PHF3: variants seen among roughly 807,000 people sequenced by gnomAD.
The protein encoded by PHF3 is PHD finger protein 3.
In PHF3, 41 loss-of-function variants were observed where a neutral mutation model predicts 178.4. The observed-to-expected ratio is 0.23, with a 90% CI of 0.18 to 0.30. PHF3 has a LOEUF of 0.30. Ranked by LOEUF, PHF3 falls within the 10% of genes least tolerant of loss-of-function variation. PHF3 has a pLI of 1.00. For missense variants in PHF3, 2,346 were observed against 2,398.1 expected (o/e 0.98, Z 0.45); for synonymous variants, 842 against 800.5 (o/e 1.05, Z -0.88).
Position 63,684,851 on chromosome 6 carries a change from T to C in PHF3, c.1129T>C (p.Leu377=). 1 of 1,613,328 alleles carries C rather than the reference T, an allele frequency of 6.2e-7. No homozygotes were observed. Among genetic ancestry groups the C allele is most frequent in the Non-Finnish European group, 8.5e-7 (1 of 1,179,662 alleles). ...TGAAGTGACTGAATGTAATTTGGAA[T>C]TGAAGGATACCATGGGTATTGCTGA... ...VDEVTECNLE[L]KDTMGIADKT... is the part of the protein sequence containing the mutation. The change falls in exon 4 of 16, where the codon TTG becomes CTG. Residue 377 remains leucine, a synonymous_variant. Coordinates refer to ENST00000262043, the MANE Select transcript of PHF3 (RefSeq NM_001370348.2).
chr6:63,645,426 T>G (rs1764743709), intron 1 of PHF3, among the ~76,000 whole-genome samples: 1 of 152,160 alleles, frequency 6.6e-6, no homozygotes, highest in South Asian at 2.1e-4. Flanking sequence ...GTTAAATGTT[T>G]TGTACAGTAT....
In PHF3 at chr6:63,713,198, T is replaced by G; in HGVS notation, c.5610T>G (p.Gly1870=). The G allele has an allele frequency of 6.2e-7, 1 of 1,614,026 alleles. No homozygotes were observed. ...CAGGTCAGCCACAGCGTATGATGGGTCCTCTCTCACAAGCATCAAGGTATA... is the reference window on the plus strand; with the variant it reads ...CAGGTCAGCCACAGCGTATGATGGGGCCTCTCTCACAAGCATCAAGGTATA... ...HLPGQPQRMM[G]PLSQASRYIG... is the part of the protein sequence containing the mutation. The change falls in exon 16 of 16, where the codon GGT becomes GGG. Residue 1870 remains glycine (G), a synonymous_variant. Transcript: ENST00000262043.
intron 2 of PHF3, among the ~76,000 whole-genome samples, chr6:63,650,525 AT>A (rs758069952): frequency 1.9e-4 from 29 of 152,178 alleles, no homozygotes; most frequent in Admixed American, 5.2e-4. Flanking sequence ...GTTCGATAGA[AT>A]TTTTACTTGC....
intron 2 of PHF3, among the ~76,000 whole-genome samples, chr6:63,648,783 T>C (rs1421342162): frequency 1.3e-5 from 2 of 152,182 alleles, no homozygotes; most frequent in Admixed American, 1.3e-4. Flanking sequence ...ACTAGAATTA[T>C]TTATCTTTGA....
intron 13 of PHF3, 75 bp downstream of exon 13, chr6:63,706,951 A>G (rs903550946): frequency 1.5e-5 from 19 of 1,239,864 alleles, no homozygotes; most frequent in Non-Finnish European, 2.0e-5. Flanking sequence ...CAGGGAAATA[A>G]GACAGAGTTA....
At position 63,720,283 on chromosome 6, in the gene PHF3, G is replaced by A. The variant is rs1325809168; in HGVS notation, c.*6575G>A. 8.3e-6 allele frequency: 3 copies of A among 361,152 alleles called. No individual in the cohort carries two copies. The East Asian group carries it at 1.2e-4, about 14-fold the overall frequency. The allele number at this position is 361,152 out of a possible 1,614,324, so 22.4% of individuals were successfully genotyped here. A position where few individuals can be genotyped will look rare whatever the true frequency, so the allele number is the denominator to read the frequency against. On this transcript the variant is annotated 3_prime_UTR_variant, in exon 16 of 16. Coordinates refer to ENST00000262043, the MANE Select transcript of PHF3 (RefSeq NM_001370348.2). Reference sequence around the variant, plus strand: ...TTGATTTTTAAAATTGTGTTTACACGTTGATTTTAAAATGTAAGCATTAGG... The same window carrying A: ...TTGATTTTTAAAATTGTGTTTACACATTGATTTTAAAATGTAAGCATTAGG...
chr6:63,668,969 T>A (rs1472926273), intron 2 of PHF3, among the ~76,000 whole-genome samples: 1 of 152,208 alleles, frequency 6.6e-6, no homozygotes, highest in African/African-American at 2.4e-5. Context: ...ATGTGAAATA[T>A]GTAAAAGGAG....
intron 2 of PHF3, among the ~76,000 whole-genome samples, chr6:63,665,414 T>C (rs1206340216): frequency 1.2e-4 from 18 of 151,984 alleles, no homozygotes; most frequent in Admixed American, 1.2e-3. Context: ...GATAATTTTT[T>C]TGTGGCATAA....
At chr6:63,697,748 G>A (rs1008430234) in intron 6 of PHF3, among the ~76,000 whole-genome samples, 11 of 152,250 alleles carry the variant, frequency 7.2e-5, no homozygotes, top group Admixed American at 7.2e-4. Flanking sequence ...GGCATGAGGA[G>A]ATTCTAGAAT....
intron 4 of PHF3, among the ~76,000 whole-genome samples, chr6:63,690,743 G>C (rs966660227): frequency 1.3e-5 from 2 of 152,154 alleles, no homozygotes; most frequent in Non-Finnish European, 2.9e-5. Context: ...GTTAAGGATG[G>C]TTGTCTGAAA....
intron 3 of PHF3, among the ~76,000 whole-genome samples, chr6:63,683,880 G>A (rs1459766766): frequency 6.6e-6 from 1 of 152,002 alleles, no homozygotes. Flanking sequence ...TATAATATTA[G>A]TCTGAATTTT....
intron 2 of PHF3, among the ~76,000 whole-genome samples, chr6:63,678,045 A>G (rs1000644711): frequency 6.6e-6 from 1 of 152,030 alleles, no homozygotes; most frequent in South Asian, 2.1e-4. Context: ...CAACATGGCT[A>G]AACCCCGTCT....
chr6:63,712,446 G>A lies in PHF3; in HGVS notation c.4858G>A (p.Val1620Ile), dbSNP rs763405406. Residue 1620 changes from valine to isoleucine, a missense_variant, in exon 16 of 16, where the codon GTA (valine) becomes ATA (isoleucine). Transcript: ENST00000262043. ...TSNSSPCRSN[V>I]GKGNIDGNVS... Reference sequence around the variant, plus strand: ...AAATAGTTCTCCATGCAGATCTAATGTAGGAAAAGGAAACATAGATGGTAA... The same window carrying A: ...AAATAGTTCTCCATGCAGATCTAATATAGGAAAAGGAAACATAGATGGTAA... 1 of 1,614,004 alleles carries A rather than the reference G, an allele frequency of 6.2e-7. No homozygotes were observed.
chr6:63,640,364 G>T (rs767474306), intron 1 of PHF3, among the ~76,000 whole-genome samples: 8 of 152,156 alleles, frequency 5.3e-5, no homozygotes, highest in Non-Finnish European at 1.2e-4. Flanking sequence ...GTGGATCTGA[G>T]TCCTGGCTCT....
intron 1 of PHF3, 39 bp downstream of exon 1, chr6:63,636,189 A>G (rs1038466381): frequency 3.2e-5 from 12 of 370,706 alleles, no homozygotes; most frequent in Admixed American, 9.2e-5. Flanking sequence ...GAGACGGGCA[A>G]TCCTCCCCTC....
Position 63,719,140 on chromosome 6 carries a change from G to A in PHF3, c.*5432G>A, listed in dbSNP as rs1768278607. On this transcript the variant is annotated 3_prime_UTR_variant, in exon 16 of 16. Coordinates refer to ENST00000262043, the MANE Select transcript of PHF3 (RefSeq NM_001370348.2). ...GTATGTTTGGAAACATTTGTGCCCT[G>A]TCAAATGGTGTTGACATTCTTAACT... 6.6e-6 allele frequency among the ~76,000 whole-genome samples: 1 copy of A among 152,020 alleles called. No homozygotes were observed. Among genetic ancestry groups the A allele is most frequent in the African/African-American group, 2.4e-5 (1 of 41,434 alleles).
At chr6:63,644,955 G>T (rs1045657897) in intron 1 of PHF3, among the ~76,000 whole-genome samples, 5 of 150,432 alleles carry the variant, frequency 3.3e-5, no homozygotes, top group Non-Finnish European at 7.4e-5. Context: ...GGTTGATTTC[G>T]CTGCAACCTC....
At position 63,723,836 on chromosome 6, in the gene PHF3, T is replaced by C. The variant is rs1768508790; in HGVS notation, c.*10128T>C. On this transcript the variant is annotated 3_prime_UTR_variant, in exon 16 of 16. Transcript: ENST00000262043. ...TTATTATTATTATTATTATTATTATTTTGAGACCAGAGTCCTGCTCTGTCC... is the reference window on the plus strand; with the variant it reads ...TTATTATTATTATTATTATTATTATCTTGAGACCAGAGTCCTGCTCTGTCC... Among the ~76,000 whole-genome samples, 1 of 138,704 alleles carries C rather than the reference T, an allele frequency of 7.2e-6. No individual in the cohort carries two copies. Among genetic ancestry groups the C allele is most frequent in the East Asian group, 2.1e-4 (1 of 4,682 alleles). 91.0% of individuals were successfully genotyped at this position (138,704 alleles called of 152,430 possible). A position where few individuals can be genotyped will look rare whatever the true frequency, so the allele number is the denominator to read the frequency against.
At position 63,713,433 on chromosome 6, in the gene PHF3, A is replaced by C; in HGVS notation, c.5845A>C (p.Arg1949=). ...GCAAGAATCTGAAAGGCATAGACGCAGAGACAGAAGCCAAGACAAGGACAG... is the reference window on the plus strand; with the variant it reads ...GCAAGAATCTGAAAGGCATAGACGCCGAGACAGAAGCCAAGACAAGGACAG... ...WEQESERHRR[R]DRSQDKDRDR... is the part of the protein sequence containing the mutation. Residue 1949 remains arginine (R), a synonymous_variant, in exon 16 of 16, where the codon AGA becomes CGA. Transcript: ENST00000262043. The C allele has an allele frequency of 6.2e-7, 1 of 1,614,026 alleles. No individual in the cohort carries two copies. Among genetic ancestry groups the C allele is most frequent in the Non-Finnish European group, 8.5e-7 (1 of 1,179,958 alleles).
Sources: gnomAD v4.1 joint callset for allele counts (sites outside exome capture counted in the v4.1 genomes callset) on GRCh38, gnomAD v4.1.1 for gene constraint, MANE v1.5 for transcripts, NCBI Gene and HGNC (gene_info 2026-07-23, HGNC 2026-07-21) for gene names.